Variants in KIF13B observed in about 807,000 individuals in gnomAD.
KIF13B encodes the protein kinesin family member 13B, also known as kinesin-like protein KIF13B.
KIF13B carries 127 observed loss-of-function variants against 222.0 expected under a neutral mutation model. The observed-to-expected ratio is 0.57, with a 90% CI of 0.50 to 0.66. The LOEUF (loss-of-function observed/expected upper bound fraction) is 0.66. Among genes scored for constraint, KIF13B ranks in the 30% least tolerant of loss-of-function variants. The probability of loss-of-function intolerance (pLI) is 0.00; values close to 1 mark genes in which losing one functional copy is unlikely to be tolerated. For synonymous variants in KIF13B, 976 were observed against 919.0 expected (o/e 1.06, Z -1.12); for missense variants, 2,173 against 2,379.0 (o/e 0.91, Z 1.80).
At chr8:29,255,047 A>C (rs1345946869) in intron 1 of KIF13B, among the ~76,000 whole-genome samples, 1 of 152,254 alleles carries the variant, frequency 6.6e-6, no homozygotes, top group African/African-American at 2.4e-5. Context: ...AAAAGTCCAC[A>C]TAATATAGGA....
At chr8:29,073,551 AT>A (rs1458491180) in intron 38 of KIF13B, among the ~76,000 whole-genome samples, 1 of 152,198 alleles carries the variant, frequency 6.6e-6, no homozygotes, top group East Asian at 1.9e-4. Context: ...GGAACAGGGA[AT>A]GAGATTGGTG....
At chr8:29,253,828 CAAAAAAA>C (rs1163069689) in intron 1 of KIF13B, among the ~76,000 whole-genome samples, 2 of 21,544 alleles carry the variant, frequency 9.3e-5, no homozygotes, top group Non-Finnish European at 2.0e-4. Flanking sequence ...GAGACTGTCT[CAAAAAAA>C]AAAAAAAAAA....
intron 23 of KIF13B, among the ~76,000 whole-genome samples, chr8:29,131,337 T>TAA (rs144827387): frequency 7.2e-6 from 1 of 139,106 alleles, no homozygotes; most frequent in Non-Finnish European, 1.6e-5. Context: ...TTGAAACTAT[T>TAA]AAAAAAAAAA....
At chr8:29,108,974 T>C (rs1005418073) in intron 34 of KIF13B, among the ~76,000 whole-genome samples, 1 of 152,214 alleles carries the variant, frequency 6.6e-6, no homozygotes, top group African/African-American at 2.4e-5. Context: ...AAAACAACAA[T>C]AAACTGAAGC....
At chr8:29,094,868 GA>G (rs999327721) in intron 36 of KIF13B, among the ~76,000 whole-genome samples, 5 of 138,768 alleles carry the variant, frequency 3.6e-5, no homozygotes, top group East Asian at 2.1e-4. Context: ...TTCTAGAACT[GA>G]AAAAAAAACA....
At chr8:29,073,122 GGGGGACGAGGA>G (rs1807386662) in intron 38 of KIF13B, among the ~76,000 whole-genome samples, 1 of 122,346 alleles carries the variant, frequency 8.2e-6, no homozygotes, top group African/African-American at 3.2e-5. Context: ...GGGACGAGGA[GGGGGACGAGGA>G]GGGGGACGAG....
At chr8:29,165,621 G>T in intron 12 of KIF13B, 41 bp downstream of exon 12, 1 of 1,312,814 alleles carries the variant, frequency 7.6e-7, no homozygotes, top group East Asian at 2.3e-5. Context: ...TGTGCAAACT[G>T]CCATGAGGTT....
Position 29,147,573 on chromosome 8 carries a change from C to T in KIF13B, c.1843G>A (p.Glu615Lys). 1 of 1,613,190 alleles carries T rather than the reference C, an allele frequency of 6.2e-7. No individual in the cohort carries two copies. Among genetic ancestry groups the T allele is most frequent in the East Asian group, 2.2e-5 (1 of 44,882 alleles). ...CGTTTTTCTTCTTCATGCTGTTGTT[C>T]TAAGCTGTTTAATATGGACTGCATC... ...DPMQSILNSL[E>K]QQHEEEKRSA... Residue 615 changes from glutamate (E) to lysine (K), a missense_variant, in exon 17 of 40, where the codon GAA becomes AAA. Physicochemically the swap from Glu to Lys is moderately conservative, Grantham distance 56 (BLOSUM62 1). Transcript: ENST00000524189.
Position 29,223,168 on chromosome 8 carries a change from A to G in KIF13B, c.149+22178T>C, listed in dbSNP as rs1338825209. Among the ~76,000 whole-genome samples, 8 of 149,582 alleles carry G rather than the reference A, an allele frequency of 5.3e-5. No homozygotes were observed. The East Asian group carries it at 1.6e-3, about 29-fold the overall frequency. On this transcript the variant is annotated intron_variant, in intron 2 of 39. Coordinates refer to ENST00000524189, the MANE Select transcript of KIF13B (RefSeq NM_015254.4). ...CCTCCTCTCTACAAAAAAATACAAAAAAAAAAAAAACAAAAAAAAAAACTT... is the reference window on the plus strand; with the variant it reads ...CCTCCTCTCTACAAAAAAATACAAAGAAAAAAAAAACAAAAAAAAAAACTT...
intron 15 of KIF13B, among the ~76,000 whole-genome samples, chr8:29,149,534 T>A (rs1241406495): frequency 6.6e-6 from 1 of 152,208 alleles, no homozygotes; most frequent in Non-Finnish European, 1.5e-5. Context: ...TGAGACACAG[T>A]CTTTCTCAGC....
In KIF13B at chr8:29,123,415, C is replaced by T. The variant is rs1563720626; in HGVS notation, c.3430G>A (p.Val1144Met). Residue 1144 changes from valine to methionine, a missense_variant, in exon 28 of 40, where the codon GTG becomes ATG. Around this residue, in one of 2 missense-constraint regions of KIF13B, gnomAD observed 1,480 missense variants for 1,722.8 expected, o/e 0.86. Coordinates refer to ENST00000524189, the MANE Select transcript of KIF13B (RefSeq NM_015254.4). ...RLTLTEERNA[V>M]MVPSAGSGIP... ...CCACTGCCAGCAGAGGGGACCATCACCGCGTTCCTCTCCTCAGTTAGGGTC... is the reference window on the plus strand; with the variant it reads ...CCACTGCCAGCAGAGGGGACCATCATCGCGTTCCTCTCCTCAGTTAGGGTC... The T allele has an allele frequency of 6.8e-6, 11 of 1,614,064 alleles. No homozygotes were observed. The highest frequency in any genetic ancestry group is 9.3e-6 in the Non-Finnish European group (11 of 1,179,908).
intron 1 of KIF13B, chr8:29,250,142 C>A (rs961319297): frequency 2.2e-6 from 2 of 894,294 alleles, no homozygotes; most frequent in African/African-American, 1.7e-5. Context: ...ACTCACCACC[C>A]ACCACAAAGT....
At chr8:29,151,924 G>A (rs1811316251) in intron 14 of KIF13B, among the ~76,000 whole-genome samples, 1 of 152,152 alleles carries the variant, frequency 6.6e-6, no homozygotes, top group Non-Finnish European at 1.5e-5. Flanking sequence ...TCTTGGCAAA[G>A]TAAGTTAAAA....
At chr8:29,185,827 T>A (rs1488941559) in intron 6 of KIF13B, among the ~76,000 whole-genome samples, 2 of 152,208 alleles carry the variant, frequency 1.3e-5, no homozygotes, top group Non-Finnish European at 2.9e-5. Flanking sequence ...CTCGAAAAAC[T>A]CTGTGGAATG....
At position 29,099,443 on chromosome 8, in the gene KIF13B, A is replaced by G. The variant is rs1056139946; in HGVS notation, c.4216-202T>C. On this transcript the variant is annotated intron_variant, in intron 35 of 39. Transcript: ENST00000524189. The stretch of plus-strand genomic sequence containing the variant: ...GGCTGGAGTGCAGGGGTGCGCCATC[A>G]TAGCGCATGTAACCTCTAACTCTTA... Among the ~76,000 whole-genome samples, 5 of 152,248 alleles carry G rather than the reference A, an allele frequency of 3.3e-5. No homozygotes were observed. The East Asian group carries it at 9.7e-4, about 29-fold the overall frequency.
intron 13 of KIF13B, among the ~76,000 whole-genome samples, chr8:29,159,756 T>C (rs1026602224): frequency 6.6e-6 from 1 of 152,172 alleles, no homozygotes; most frequent in Admixed American, 6.5e-5. Flanking sequence ...TATGAAGGTA[T>C]GCATCAAAGA....
rs545232539 is a variant in KIF13B at position 29,107,852 on chromosome 8, G to A, written c.4215+287C>T. The stretch of plus-strand genomic sequence containing the variant: ...TGGGATTACATACGTGAGCCACTGC[G>A]CCCAGCCTGAAGTTTCTTTTCTGAC... On this transcript the variant is annotated intron_variant, in intron 35 of 39. Transcript: ENST00000524189. 1.3e-4 allele frequency among the ~76,000 whole-genome samples: 20 copies of A among 152,176 alleles called. No homozygotes were observed. The East Asian group carries it at 2.3e-3, about 18-fold the overall frequency.
At chr8:29,263,176 C>A, upstream of KIF13B, 2 of 701,126 alleles carry the variant, frequency 2.9e-6, no homozygotes, top group Non-Finnish European at 4.5e-6. Flanking sequence ...GAGCTCCGGG[C>A]GCTCCCCGCT....
At chr8:29,203,312 A>T (rs1188119972) in intron 2 of KIF13B, among the ~76,000 whole-genome samples, 2 of 152,182 alleles carry the variant, frequency 1.3e-5, no homozygotes, top group Non-Finnish European at 2.9e-5. Flanking sequence ...GCTTTCATAC[A>T]TGACTATTTC....
Sources: gnomAD v4.1 joint callset for allele counts (sites outside exome capture counted in the v4.1 genomes callset) on GRCh38, gnomAD v4.1.1 for gene constraint, gnomAD v4.1.1 regional missense constraint, MANE v1.5 for transcripts, NCBI Gene and HGNC (gene_info 2026-07-23, HGNC 2026-07-21) for gene names.